The following TTC28 variants were observed in gnomAD, a reference collection of about 807,000 sequenced individuals.
TTC28 encodes the protein tetratricopeptide repeat domain 28.
A neutral mutation model predicts 198.0 loss-of-function variants in TTC28; 61 were observed. That is an observed-to-expected ratio of 0.31 (90% CI 0.25 to 0.38). The LOEUF is 0.38. TTC28 is among the 10% of genes least tolerant of loss of function. The pLI is 1.00. For synonymous variants in TTC28, 1,171 were observed against 1,297.8 expected, an observed-to-expected ratio of 0.90 and a Z score of 2.10; for missense variants, 2,678 against 3,164.0, an observed-to-expected ratio of 0.85 and a Z score of 3.69.
rs185693358 is a variant in TTC28, at chr22:28,173,863, A to T, written c.934-10264T>A. Among the ~76,000 whole-genome samples the T allele has an allele frequency of 1.0e-3, 154 of 152,336 alleles. 1 individual carries two copies. Among genetic ancestry groups the T allele is most frequent in the African/African-American group, 3.5e-3 (146 of 41,576 alleles). On this transcript the variant is annotated intron_variant, in intron 5 of 22. Transcript: ENST00000397906. ...TGTTTTTCCCTTACCATATGTATTTATCATAAGGGTTATATTTTGTGGGAG... is the reference window on the plus strand; with the variant it reads ...TGTTTTTCCCTTACCATATGTATTTTTCATAAGGGTTATATTTTGTGGGAG...
chr22:28,366,954 C>T (rs2046257687), intron 2 of TTC28, among the ~76,000 whole-genome samples: 1 of 151,898 alleles, frequency 6.6e-6, no homozygotes, highest in African/African-American at 2.4e-5. Context: ...ATTATTAGAG[C>T]TAACAAGAGA....
chr22:28,162,956 AAAAG>A (rs1320287299), intron 6 of TTC28, 132 bp downstream of exon 6: 5 of 1,233,852 alleles, frequency 4.1e-6, no homozygotes, highest in Non-Finnish European at 5.5e-6. Context: ...AAAGAAAAGG[AAAAG>A]AAAAGAGCAC....
chr22:28,207,771 T>C (rs1007809060), intron 5 of TTC28, among the ~76,000 whole-genome samples: 1 of 152,156 alleles, frequency 6.6e-6, no homozygotes, highest in Non-Finnish European at 1.5e-5. Flanking sequence ...TTGCTCACAC[T>C]GATCCTGGTA....
intron 2 of TTC28, among the ~76,000 whole-genome samples, chr22:28,321,085 A>T (rs2045439010): frequency 6.6e-6 from 1 of 152,230 alleles, no homozygotes; most frequent in South Asian, 2.1e-4. Flanking sequence ...GAAATATAGC[A>T]AATTATACTG....
In TTC28 at chr22:28,399,324, T is replaced by G. The variant is rs537512718; in HGVS notation, c.382-92681A>C. Among the ~76,000 whole-genome samples the G allele has an allele frequency of 3.2e-3, 483 of 150,758 alleles. 4 individuals are homozygous for G. The highest frequency in any genetic ancestry group is 4.2e-3 in the Non-Finnish European group (281 of 67,636). On this transcript the variant is annotated intron_variant, in intron 2 of 22. Coordinates refer to ENST00000397906, the MANE Select transcript of TTC28 (RefSeq NM_001145418.2). ...TAAGTTGAGACTAAAACTGTTTTTT[T>G]TTTTTTTTTTTTGAGACAGGCTTGC...
intron 2 of TTC28, among the ~76,000 whole-genome samples, chr22:28,521,267 G>A (rs1172322659): frequency 6.6e-6 from 1 of 151,886 alleles, no homozygotes; most frequent in Admixed American, 6.6e-5. Context: ...AATTAACTGG[G>A]CATGGTAGTG....
At chr22:27,986,457 G>A (rs1285003648) in intron 21 of TTC28, 1 of 152,214 alleles carries the variant, frequency 6.6e-6, no homozygotes, top group Non-Finnish European at 1.5e-5. Context: ...GGACCACAAA[G>A]CAAGAATTTA....
At chr22:28,407,210 T>C (rs1257668939) in intron 2 of TTC28, among the ~76,000 whole-genome samples, 1 of 151,978 alleles carries the variant, frequency 6.6e-6, no homozygotes, top group Non-Finnish European at 1.5e-5. Flanking sequence ...AGGGAGAAAA[T>C]AAATAAGAGT....
At chr22:28,346,631 T>C (rs1051065226) in intron 2 of TTC28, among the ~76,000 whole-genome samples, 2 of 152,204 alleles carry the variant, frequency 1.3e-5, no homozygotes, top group Non-Finnish European at 2.9e-5. Context: ...CATAACTTTC[T>C]TGCATATCCA....
At chr22:28,550,003 C>T (rs1391971994) in intron 2 of TTC28, among the ~76,000 whole-genome samples, 2 of 152,084 alleles carry the variant, frequency 1.3e-5, no homozygotes, top group Non-Finnish European at 2.9e-5. Flanking sequence ...CAATTTTAGT[C>T]CAGTGAGGAT....
intron 2 of TTC28, among the ~76,000 whole-genome samples, chr22:28,610,225 C>A (rs899580420): frequency 6.6e-6 from 1 of 152,206 alleles, no homozygotes; most frequent in Non-Finnish European, 1.5e-5. Flanking sequence ...CCCAGCACAG[C>A]ATTCAAGCTC....
At chr22:28,288,832 T>C (rs1218592434) in intron 5 of TTC28, among the ~76,000 whole-genome samples, 2 of 149,868 alleles carry the variant, frequency 1.3e-5, no homozygotes, top group African/African-American at 4.9e-5. Context: ...AAAAAAGCTA[T>C]ATAATTTTTA....
intron 2 of TTC28, among the ~76,000 whole-genome samples, chr22:28,380,253 T>C (rs2046474667): frequency 6.6e-6 from 1 of 152,082 alleles, no homozygotes; most frequent in African/African-American, 2.4e-5. Context: ...GAGCACATTT[T>C]AGGTCTAACT....
chr22:28,254,879 C>T (rs1930785578), intron 5 of TTC28, among the ~76,000 whole-genome samples: 1 of 152,108 alleles, frequency 6.6e-6, no homozygotes, highest in Non-Finnish European at 1.5e-5. Flanking sequence ...CTCCATGAAA[C>T]CAGGACCAGG....
chr22:28,306,718 A>G (rs2045154522), intron 2 of TTC28, 75 bp from the exon 3 acceptor site: 1 of 1,467,684 alleles, frequency 6.8e-7, no homozygotes, highest in African/African-American at 1.4e-5. Context: ...TACTAGAACA[A>G]CAGGTCAGCA....
At chr22:28,614,953 TTAAAC>T (rs1174879005) in intron 2 of TTC28, among the ~76,000 whole-genome samples, 6 of 152,064 alleles carry the variant, frequency 3.9e-5, no homozygotes, top group Admixed American at 2.0e-4. Flanking sequence ...TAGGATCTAA[TTAAAC>T]TAAAGAGCTT....
At chr22:28,225,681 CAT>C (rs1310812887) in intron 5 of TTC28, among the ~76,000 whole-genome samples, 3 of 152,176 alleles carry the variant, frequency 2.0e-5, no homozygotes, top group African/African-American at 4.8e-5. Context: ...TAAGCTCTGA[CAT>C]ATGTGTACAC....
At chr22:28,203,316 T>C (rs1173060105) in intron 5 of TTC28, among the ~76,000 whole-genome samples, 19 of 152,164 alleles carry the variant, frequency 1.2e-4, no homozygotes. Context: ...AGATAGTACC[T>C]ATCTTCAGGC....
chr22:28,255,773 G>T (rs1415844494), intron 5 of TTC28, among the ~76,000 whole-genome samples: 1 of 151,804 alleles, frequency 6.6e-6, no homozygotes, highest in Admixed American at 6.6e-5. Context: ...TTCCCAGTCT[G>T]GGTCCCTGAG....
Sources: gnomAD v4.1 joint callset for allele counts (sites outside exome capture counted in the v4.1 genomes callset) on GRCh38, gnomAD v4.1.1 for gene constraint, MANE v1.5 for transcripts, NCBI Gene and HGNC (gene_info 2026-07-23, HGNC 2026-07-21) for gene names.